LEKR1: variants seen among roughly 807,000 people sequenced by gnomAD.
LEKR1 encodes protein LEKR1.
LEKR1 carries 59 observed loss-of-function variants against 72.4 expected under a neutral mutation model. That is an observed-to-expected ratio of 0.82 (90% confidence interval 0.66 to 1.01). The LOEUF is 1.01. LEKR1 is among the 50% of genes least tolerant of loss of function. The pLI, the probability that LEKR1 is intolerant of heterozygous loss-of-function variation, is 0.00. For synonymous variants in LEKR1, 257 were observed against 263.2 expected, an observed-to-expected ratio of 0.98 and a Z score of 0.23; for missense variants, 728 against 759.2, an observed-to-expected ratio of 0.96 and a Z score of 0.48.
chr3:156,949,947 A>T (rs1478805206), intron 6 of LEKR1, among the ~76,000 whole-genome samples: 2 of 151,290 alleles, frequency 1.3e-5, no homozygotes, highest in Non-Finnish European at 3.0e-5. Context: ...AAAACATTGT[A>T]TAAAATTAAG....
intron 6 of LEKR1, among the ~76,000 whole-genome samples, chr3:156,962,006 G>T (rs910359885): frequency 1.3e-5 from 2 of 152,058 alleles, no homozygotes; most frequent in East Asian, 3.9e-4. Flanking sequence ...ATTTCTCTTT[G>T]CCCAAAGGTG....
chr3:156,979,424 G>A (rs1200275284), intron 7 of LEKR1, 149 bp downstream of exon 7: 1 of 331,122 alleles, frequency 3.0e-6, no homozygotes, highest in Admixed American at 4.0e-5. Flanking sequence ...GTGGGTAATA[G>A]TTTACTGCTG....
intron 7 of LEKR1, among the ~76,000 whole-genome samples, chr3:156,980,744 C>G (rs1395299263): frequency 6.6e-6 from 1 of 152,056 alleles, no homozygotes; most frequent in African/African-American, 2.4e-5. Flanking sequence ...CACAACTAAG[C>G]TAAGAGGGAA....
intron 6 of LEKR1, among the ~76,000 whole-genome samples, chr3:156,951,306 A>T (rs1266428754): frequency 6.6e-6 from 1 of 151,382 alleles, no homozygotes; most frequent in Non-Finnish European, 1.5e-5. Context: ...TTCATCATGG[A>T]TATTGGCCTG....
chr3:157,033,973 A>G (rs2108041762), intron 12 of LEKR1, among the ~76,000 whole-genome samples: 1 of 152,298 alleles, frequency 6.6e-6, no homozygotes, highest in South Asian at 2.1e-4. Context: ...AAGTGGGACA[A>G]CAAAGCCTGA....
chr3:156,838,238 G>C (rs549998133), intron 2 of LEKR1, among the ~76,000 whole-genome samples: 101 of 152,268 alleles, frequency 6.6e-4, no homozygotes, highest in Non-Finnish European at 1.3e-3. Context: ...GTTGAACTTT[G>C]TTCATGGCTC....
In LEKR1 at chr3:157,020,281, T is replaced by TATC; in HGVS notation, c.1204-4477_1204-4476insCAT. Among the ~76,000 whole-genome samples, 4 of 147,644 alleles carry TATC rather than the reference T, an allele frequency of 2.7e-5. No individual in the cohort carries two copies. The South Asian group carries it at 8.5e-4, about 31-fold the overall frequency. ...TTATTATTATTATTATTATTATTAT[T>TATC]ATTATTATTATTATACTTTAAGTTT... On this transcript the variant is annotated intron_variant, in intron 10 of 12. Transcript: ENST00000356539.
chr3:156,878,959 A>G lies in LEKR1; in HGVS notation c.263+25977A>G, dbSNP rs569169937. ...CTTTTGCCTTTCGCTGTGATTAAAC[A>G]GTCCATTAAACCTCTTTTTTTTATA... On this transcript the variant is annotated intron_variant, in intron 3 of 12. Transcript: ENST00000356539. 1.8e-4 allele frequency among the ~76,000 whole-genome samples: 28 copies of G among 152,304 alleles called. No individual in the cohort carries two copies. The South Asian group carries it at 5.2e-3, about 28-fold the overall frequency.
intron 5 of LEKR1, among the ~76,000 whole-genome samples, chr3:156,937,014 T>C (rs1725775138): frequency 6.6e-6 from 1 of 152,106 alleles, no homozygotes; most frequent in Non-Finnish European, 1.5e-5. Context: ...TAGTAGCACA[T>C]GCCTGTAGTC....
chr3:156,966,878 C>A (rs937117375), intron 6 of LEKR1, among the ~76,000 whole-genome samples: 3 of 152,186 alleles, frequency 2.0e-5, no homozygotes, highest in Non-Finnish European at 2.9e-5. Flanking sequence ...AGGCACCCCC[C>A]AGTAGGGGCA....
intron 3 of LEKR1, among the ~76,000 whole-genome samples, chr3:156,879,779 G>T (rs1016731311): frequency 6.6e-6 from 1 of 152,186 alleles, no homozygotes; most frequent in Non-Finnish European, 1.5e-5. Context: ...ACTAGCCATG[G>T]CTAAAAGGCG....
intron 6 of LEKR1, among the ~76,000 whole-genome samples, chr3:156,963,274 G>C (rs1176604079): frequency 6.6e-6 from 1 of 152,164 alleles, no homozygotes; most frequent in Non-Finnish European, 1.5e-5. Context: ...CATCCTCAGG[G>C]AAACCTCAGC....
intron 3 of LEKR1, among the ~76,000 whole-genome samples, chr3:156,876,304 A>G (rs55850252): frequency 0.34 from 51,005 of 151,946 alleles, 11,205 homozygotes; most frequent in African/African-American, 0.62. Flanking sequence ...GACTGGCTTT[A>G]GCTGTGCAGG....
At chr3:156,841,499 G>A (rs1713902589) in intron 2 of LEKR1, among the ~76,000 whole-genome samples, 1 of 152,124 alleles carries the variant, frequency 6.6e-6, no homozygotes, top group South Asian at 2.1e-4. Flanking sequence ...AGAGAAGTGG[G>A]GACACCAAAA....
At chr3:156,879,134 A>G (rs1033745866) in intron 3 of LEKR1, among the ~76,000 whole-genome samples, 2 of 152,218 alleles carry the variant, frequency 1.3e-5, no homozygotes, top group Admixed American at 1.3e-4. Flanking sequence ...AGGTTGGAGC[A>G]TTAGGAAGGC....
At position 156,852,836 on chromosome 3, in the gene LEKR1, T is replaced by A; in HGVS notation, c.117T>A (p.Ala39=). The change falls in exon 3 of 13, where the codon GCT becomes GCA. Residue 39 remains alanine, a synonymous_variant. Coordinates refer to ENST00000356539, the MANE Select transcript of LEKR1 (RefSeq NM_001004316.3). ...ATCTAATTCTTCATGAATTTAAGGCTATGGAAGAAAAAGTGAAAGCAATGG... is the reference window on the plus strand; with the variant it reads ...ATCTAATTCTTCATGAATTTAAGGCAATGGAAGAAAAAGTGAAAGCAATGG... ...VSYLILHEFK[A]MEEKVKAMEK... The A allele has an allele frequency of 6.5e-7, 1 of 1,535,648 alleles. No homozygotes were observed. The highest frequency in any genetic ancestry group is 8.7e-7 in the Non-Finnish European group (1 of 1,145,828).
Position 156,980,568 on chromosome 3 carries a change from GAA to G in LEKR1, c.827+1303_827+1304del, listed in dbSNP as rs34222097. On this transcript the variant is annotated intron_variant, in intron 7 of 12. Transcript: ENST00000356539. ...AAAAGAAACAAGGTGATGGTTGCTA[GAA>G]AAAAAAAAATCGTTGTTGCTGTCCC... 5.8e-3 allele frequency among the ~76,000 whole-genome samples: 872 copies of G among 149,914 alleles called. 5 individuals carry two copies. The highest frequency in any genetic ancestry group is 0.02 in the African/African-American group (818 of 41,050).
intron 12 of LEKR1, among the ~76,000 whole-genome samples, chr3:157,034,398 G>A (rs1734825185): frequency 6.6e-6 from 1 of 152,140 alleles, no homozygotes; most frequent in Non-Finnish European, 1.5e-5. Flanking sequence ...TTTGGAAGAA[G>A]TTGATTCCAG....
chr3:156,900,371 T>C (rs1324024976), intron 3 of LEKR1, among the ~76,000 whole-genome samples: 3 of 152,238 alleles, frequency 2.0e-5, no homozygotes, highest in Admixed American at 1.3e-4. Flanking sequence ...CTGCACGTAT[T>C]GTAACCTAGG....
Sources: gnomAD v4.1 joint callset for allele counts (sites outside exome capture counted in the v4.1 genomes callset) on GRCh38, gnomAD v4.1.1 for gene constraint, MANE v1.5 for transcripts, NCBI Gene and HGNC (gene_info 2026-07-23, HGNC 2026-07-21) for gene names.